ABCA13: variants seen among roughly 807,000 people sequenced by gnomAD.
ABCA13 encodes the protein ATP-binding cassette sub-family A member 13.
In ABCA13, 476 loss-of-function variants were observed where a neutral mutation model predicts 478.7. The ratio of observed to expected loss-of-function variants is 0.99; its 90% CI spans 0.92 to 1.07. The LOEUF (loss-of-function observed/expected upper bound fraction) is 1.07. Ranked by LOEUF, ABCA13 falls within the 50% of genes least tolerant of loss-of-function variation. ABCA13 has a pLI of 0.00. For synonymous variants in ABCA13, 2,252 were observed against 2,158.9 expected, an observed-to-expected ratio of 1.04 and a Z score of -1.20; for missense variants, 6,060 against 5,910.6, an observed-to-expected ratio of 1.03 and a Z score of -0.83.
intron 59 of ABCA13, among the ~76,000 whole-genome samples, chr7:48,626,279 T>G (rs967700737): frequency 2.0e-5 from 3 of 152,086 alleles, no homozygotes; most frequent in African/African-American, 7.2e-5. Flanking sequence ...ACACATTGTT[T>G]TAGGGGAAGG....
Position 48,387,912 on chromosome 7 carries a change from T to C in ABCA13, c.11426T>C (p.Phe3809Ser), listed in dbSNP as rs2129051493. The change falls in exon 36 of 62, where the codon TTT (phenylalanine) becomes TCT (serine). Residue 3809 changes from phenylalanine (F) to serine (S), a missense_variant. By Grantham distance (155) the Phe-to-Ser change is radical. Around this residue, in one of 3 missense-constraint regions of ABCA13, gnomAD observed 1,627 missense variants for 1,571.0 expected, o/e 1.04. Transcript: ENST00000435803. Reference protein sequence around the residue: ...VGFLVEKRQYFLSSSLFFFNE... With the variant: ...VGFLVEKRQYSLSSSLFFFNE... Reference sequence around the variant, plus strand: ...TTCTTGGTGGAGAAAAGGCAATACTTTCTAAGTTCTAGTCTGTTCTTCTTC... The same window carrying C: ...TTCTTGGTGGAGAAAAGGCAATACTCTCTAAGTTCTAGTCTGTTCTTCTTC... 1 of 1,613,326 alleles carries C rather than the reference T, an allele frequency of 6.2e-7. No individual in the cohort carries two copies. Among genetic ancestry groups the C allele is most frequent in the Non-Finnish European group, 8.5e-7 (1 of 1,179,584 alleles).
At chr7:48,269,140 C>A in intron 16 of ABCA13, 46 bp downstream of exon 16, 5 of 1,097,754 alleles carry the variant, frequency 4.6e-6, no homozygotes, top group Non-Finnish European at 2.7e-6. Flanking sequence ...TAATTATCAT[C>A]TGAAGATAAT....
At position 48,516,743 on chromosome 7, in the gene ABCA13, G is replaced by A. The variant is rs1832147464; in HGVS notation, c.13659G>A (p.Trp4553Ter). 1 of 1,613,498 alleles carries A rather than the reference G, an allele frequency of 6.2e-7. No homozygotes were observed. Among genetic ancestry groups the A allele is most frequent in the Admixed American group, 1.7e-5 (1 of 59,984 alleles). ...TTTTCAGATATGCAACTCTTCCATG[G>A]ATGTACCTGATGTCCAGAATCTTTT... Reference protein sequence around the residue: ...LSLFGYATLPWMYLMSRIFSS... With the variant: ...LSLFGYATLP The change falls in exon 52 of 62, where the codon TGG becomes TGA. Residue 4553 changes from tryptophan to a stop codon, truncating the protein, a stop_gained. Transcript: ENST00000435803. LOFTEE classifies it high-confidence loss of function.
intron 55 of ABCA13, among the ~76,000 whole-genome samples, chr7:48,533,678 G>T (rs563588597): frequency 1.3e-5 from 2 of 152,148 alleles, no homozygotes; most frequent in Admixed American, 6.5e-5. Flanking sequence ...GAGCTCCATT[G>T]TTAGGTGCAT....
intron 35 of ABCA13, among the ~76,000 whole-genome samples, chr7:48,384,295 C>A (rs980647067): frequency 6.6e-6 from 1 of 152,226 alleles, no homozygotes; most frequent in Admixed American, 6.5e-5. Flanking sequence ...TCAACAGGGG[C>A]TTTTCGTGTA....
intron 31 of ABCA13, among the ~76,000 whole-genome samples, chr7:48,367,517 T>C (rs1329197413): frequency 1.3e-5 from 2 of 152,208 alleles, no homozygotes; most frequent in Non-Finnish European, 2.9e-5. Context: ...TCCAACCTGC[T>C]CTGCCTATGG....
intron 59 of ABCA13, among the ~76,000 whole-genome samples, chr7:48,639,519 G>A (rs1274781220): frequency 2.0e-5 from 3 of 152,148 alleles, no homozygotes; most frequent in East Asian, 1.9e-4. Context: ...GTGAGACCAC[G>A]GGAGGCCTGG....
intron 31 of ABCA13, among the ~76,000 whole-genome samples, chr7:48,359,624 C>G (rs1404370685): frequency 6.6e-6 from 1 of 151,784 alleles, no homozygotes; most frequent in African/African-American, 2.4e-5. Flanking sequence ...TGATGGAGGC[C>G]GGTGGAGAGG....
At chr7:48,430,344 T>G (rs1821970891) in intron 42 of ABCA13, among the ~76,000 whole-genome samples, 1 of 152,206 alleles carries the variant, frequency 6.6e-6, no homozygotes, top group Non-Finnish European at 1.5e-5. Context: ...CAATTGTTCA[T>G]AGTAATCAGT....
intron 41 of ABCA13, among the ~76,000 whole-genome samples, chr7:48,418,789 ATC>A (rs1477110504): frequency 6.6e-6 from 1 of 152,200 alleles, no homozygotes. Flanking sequence ...TTATATTTTA[ATC>A]TGTCTATATT....
At chr7:48,303,695 T>G (rs1266694292) in intron 23 of ABCA13, among the ~76,000 whole-genome samples, 1 of 152,208 alleles carries the variant, frequency 6.6e-6, no homozygotes, top group Non-Finnish European at 1.5e-5. Flanking sequence ...CATAGGTCTA[T>G]GTGTCTGTTT....
At chr7:48,407,980 G>C (rs905666539) in intron 39 of ABCA13, among the ~76,000 whole-genome samples, 1 of 152,122 alleles carries the variant, frequency 6.6e-6, no homozygotes, top group South Asian at 2.1e-4. Context: ...TAGAACCAAT[G>C]CTCCACAGAT....
intron 20 of ABCA13, among the ~76,000 whole-genome samples, chr7:48,293,204 C>CCACA (rs1554419806): frequency 1.5e-5 from 2 of 131,446 alleles, no homozygotes; most frequent in Non-Finnish European, 3.3e-5. Context: ...CCCCCCCCCG[C>CCACA]CACACACACA....
At position 48,392,041 on chromosome 7, in the gene ABCA13, C is replaced by T; in HGVS notation, c.11775C>T (p.Ile3925=). 6.2e-7 allele frequency: 1 copy of T among 1,613,998 alleles called. No individual in the cohort carries two copies. The highest frequency in any genetic ancestry group is 8.5e-7 in the Non-Finnish European group (1 of 1,179,890). ...TTGGTGTGTGTCCGCAGCAGGACAT[C>T]CTGTTGGACAACCTCACCGTCCGGG... ...MELGVCPQQD[I]LLDNLTVREH... Residue 3925 remains isoleucine (I), a synonymous_variant, in exon 38 of 62, where the codon ATC becomes ATT. Transcript: ENST00000435803.
chr7:48,516,810 T>C lies in ABCA13; in HGVS notation c.13726T>C (p.Phe4576Leu). 1 of 1,613,862 alleles carries C rather than the reference T, an allele frequency of 6.2e-7. No homozygotes were observed. The highest frequency in any genetic ancestry group is 8.5e-7 in the Non-Finnish European group (1 of 1,179,768). ...TTTCATTTCCTATGTCTCACTAAAC[T>C]TCATCTTTGGCCTTTGTACCATGCT... The part of the protein sequence containing the change: ...VAFISYVSLN[F>L]IFGLCTMLIT... The change falls in exon 52 of 62, where the codon TTC (phenylalanine) becomes CTC (leucine). Residue 4576 changes from phenylalanine to leucine, a missense_variant. This residue lies in a region of ABCA13 where 1,627 missense variants were observed against 1,571.0 expected (regional missense o/e 1.04). Transcript: ENST00000435803.
intron 31 of ABCA13, among the ~76,000 whole-genome samples, chr7:48,355,948 A>G (rs1192223762): frequency 6.6e-6 from 1 of 151,690 alleles, no homozygotes; most frequent in African/African-American, 2.4e-5. Flanking sequence ...CCCGATTTTG[A>G]TGGCATTTAG....
intron 14 of ABCA13, 120 bp downstream of exon 14, chr7:48,248,564 C>A: frequency 1.2e-6 from 1 of 860,036 alleles, no homozygotes; most frequent in Non-Finnish European, 1.7e-6. Context: ...GAAAGAGGTT[C>A]AATTTATTTT....
chr7:48,628,951 C>T (rs1315165307), intron 59 of ABCA13, among the ~76,000 whole-genome samples: 2 of 152,204 alleles, frequency 1.3e-5, no homozygotes, highest in African/African-American at 2.4e-5. Flanking sequence ...CAACCACTAA[C>T]AAGAACAATA....
In ABCA13 at chr7:48,236,296, G is replaced by A. The variant is rs1789943312; in HGVS notation, c.897+2145G>A. ...ATTTGGAGAAGCAGCTCTCTTTTTGGTAGGAGACATCTTTACAGATGAAAA... is the reference window on the plus strand; with the variant it reads ...ATTTGGAGAAGCAGCTCTCTTTTTGATAGGAGACATCTTTACAGATGAAAA... On this transcript the variant is annotated intron_variant, in intron 8 of 61. Transcript: ENST00000435803. 2.6e-5 allele frequency among the ~76,000 whole-genome samples: 4 copies of A among 152,232 alleles called. No homozygotes were observed. The South Asian group carries it at 8.3e-4, about 32-fold the overall frequency.
Sources: gnomAD v4.1 joint callset for allele counts (sites outside exome capture counted in the v4.1 genomes callset) on GRCh38, gnomAD v4.1.1 for gene constraint, gnomAD v4.1.1 regional missense constraint, MANE v1.5 for transcripts, NCBI Gene and HGNC (gene_info 2026-07-23, HGNC 2026-07-21) for gene names.